Variants in ATAD2B observed in about 807,000 individuals in gnomAD.
ATAD2B encodes ATPase family AAA domain containing 2B, also known as ATPase family AAA domain-containing protein 2B.
Under a neutral mutation model 167.6 loss-of-function variants are expected in ATAD2B, and 40 were observed. That is an observed-to-expected ratio of 0.24 (90% CI 0.19 to 0.31). The LOEUF (loss-of-function observed/expected upper bound fraction) is 0.31, where lower values mean the gene tolerates loss of function less well. Ranked by LOEUF, ATAD2B falls within the 10% of genes least tolerant of loss-of-function variation. The probability of loss-of-function intolerance (pLI) is 1.00; values close to 1 mark genes in which losing one functional copy is unlikely to be tolerated. For missense variants in ATAD2B, 1,242 were observed against 1,757.2 expected (o/e 0.71, Z 5.24); for synonymous variants, 579 against 596.5 (o/e 0.97, Z 0.43).
intron 13 of ATAD2B, among the ~76,000 whole-genome samples, chr2:23,840,156 C>T (rs1301100449): frequency 6.6e-6 from 1 of 152,112 alleles, no homozygotes; most frequent in Non-Finnish European, 1.5e-5. Context: ...GGATTGTTTT[C>T]AGTTCTGGGG....
chr2:23,767,053 A>T (rs1464379975), intron 22 of ATAD2B, among the ~76,000 whole-genome samples: 2 of 152,198 alleles, frequency 1.3e-5, no homozygotes, highest in Non-Finnish European at 2.9e-5. Context: ...CTTTTCAAAG[A>T]ATCAATATGT....
At chr2:23,878,536 G>A (rs572858968) in intron 7 of ATAD2B, among the ~76,000 whole-genome samples, 1 of 151,966 alleles carries the variant, frequency 6.6e-6, no homozygotes, top group South Asian at 2.1e-4. Flanking sequence ...GCAGGCGCCT[G>A]TAGTCCCAGC....
chr2:23,811,622 A>G (rs1011042001), intron 17 of ATAD2B, among the ~76,000 whole-genome samples: 27 of 152,180 alleles, frequency 1.8e-4, no homozygotes, highest in African/African-American at 6.5e-4. Flanking sequence ...GGGGAGGGAT[A>G]GCATTAGGAG....
At chr2:23,911,976 CAAAA>C (rs1160482347) in intron 1 of ATAD2B, among the ~76,000 whole-genome samples, 1 of 63,154 alleles carries the variant, frequency 1.6e-5, no homozygotes, top group Admixed American at 1.8e-4. Context: ...GATTCCATCT[CAAAA>C]AAAAAAAAAA....
At chr2:23,736,524 T>C in the ATAD2B span, among the ~76,000 whole-genome samples, 1 of 152,190 alleles carries the variant, frequency 6.6e-6, no homozygotes, top group East Asian at 1.9e-4. Context: ...GAGCTGATCT[T>C]GTACCCATGA....
chr2:23,850,784 A>G (rs2149895554), intron 13 of ATAD2B, among the ~76,000 whole-genome samples: 1 of 152,354 alleles, frequency 6.6e-6, no homozygotes, highest in South Asian at 2.1e-4. Flanking sequence ...ACTGCCTGCT[A>G]TGAATGGAAT....
At chr2:23,856,709 A>C (rs140559064) in intron 13 of ATAD2B, among the ~76,000 whole-genome samples, 29 of 152,046 alleles carry the variant, frequency 1.9e-4, no homozygotes, top group Non-Finnish European at 2.6e-4. Flanking sequence ...AAAAATACAA[A>C]ATTAGCCAGG....
At chr2:23,800,179 G>A (rs558896343) in intron 18 of ATAD2B, among the ~76,000 whole-genome samples, 1 of 152,048 alleles carries the variant, frequency 6.6e-6, no homozygotes, top group South Asian at 2.1e-4. Flanking sequence ...TCCCCACTCT[G>A]TGCTGGTAAA....
chr2:23,734,689 A>T, the ATAD2B span, among the ~76,000 whole-genome samples: 1 of 152,168 alleles, frequency 6.6e-6, no homozygotes, highest in Non-Finnish European at 1.5e-5. Flanking sequence ...TCATGAGAAC[A>T]GCAAGGGGGA....
the ATAD2B span, among the ~76,000 whole-genome samples, chr2:23,735,377 T>A: frequency 0.01 from 1,557 of 152,330 alleles, 39 homozygotes; most frequent in African/African-American, 0.036. Context: ...CACACCTGAA[T>A]GGAACGGTCA....
intron 13 of ATAD2B, among the ~76,000 whole-genome samples, chr2:23,836,837 CTT>C (rs1218719097): frequency 6.6e-6 from 1 of 152,074 alleles, no homozygotes; most frequent in Non-Finnish European, 1.5e-5. Flanking sequence ...TGAGCCGGGG[CTT>C]TTATGGGACT....
At chr2:23,878,397 G>A (rs1256197981) in intron 7 of ATAD2B, among the ~76,000 whole-genome samples, 11 of 151,758 alleles carry the variant, frequency 7.2e-5, no homozygotes, top group Non-Finnish European at 1.3e-4. Flanking sequence ...AGTGGCTCAC[G>A]CCTGTAATCC....
At chr2:23,871,780 G>A (rs920399703) in intron 8 of ATAD2B, among the ~76,000 whole-genome samples, 3 of 152,092 alleles carry the variant, frequency 2.0e-5, no homozygotes, top group African/African-American at 7.2e-5. Context: ...TTCTCCTTAA[G>A]ATCCTTAACC....
At chr2:23,695,214 ACCT>A in the ATAD2B span, among the ~76,000 whole-genome samples, 1 of 152,176 alleles carries the variant, frequency 6.6e-6, no homozygotes, top group Admixed American at 6.5e-5. The surrounding 1 kb of genome is among the most constrained non-coding windows in gnomAD (Gnocchi z 7.6). Flanking sequence ...GGGTCCTCCC[ACCT>A]GTTCCTGAGT....
rs903670185 is a variant in ATAD2B, at chr2:23,782,391, CTA to C, written c.3133+476_3133+477del. 8.3e-4 allele frequency among the ~76,000 whole-genome samples: 127 copies of C among 152,234 alleles called. 1 individual carries two copies. Among genetic ancestry groups the C allele is most frequent in the African/African-American group, 3.0e-3 (124 of 41,550 alleles). Reference sequence around the variant, plus strand: ...TGGAGAGCGATAACAAAAGTTGGGACTATACACTTGAATACAGGATGGATTAG... The same window carrying C: ...TGGAGAGCGATAACAAAAGTTGGGACTACACTTGAATACAGGATGGATTAG... On this transcript the variant is annotated intron_variant, in intron 22 of 27. Coordinates refer to ENST00000238789, the MANE Select transcript of ATAD2B (RefSeq NM_017552.4).
In ATAD2B at chr2:23,847,487, A is replaced by G. The variant is rs147647860; in HGVS notation, c.1568+9928T>C. On this transcript the variant is annotated intron_variant, in intron 13 of 27. Coordinates refer to ENST00000238789, the MANE Select transcript of ATAD2B (RefSeq NM_017552.4). ...GCCACTGCACTCCAGCCTGGGCGAC[A>G]GAGTAAGACTCCATCTCAAAAAAAA... Among the ~76,000 whole-genome samples, 245 of 151,970 alleles carry G rather than the reference A, an allele frequency of 1.6e-3. 1 individual carries two copies. The highest frequency in any genetic ancestry group is 5.6e-3 in the African/African-American group (234 of 41,468).
chr2:23,736,525 G>C, the ATAD2B span, among the ~76,000 whole-genome samples: 2 of 152,166 alleles, frequency 1.3e-5, no homozygotes, highest in East Asian at 3.8e-4. Context: ...AGCTGATCTT[G>C]TACCCATGAA....
At chr2:23,893,064 A>G (rs1699755378) in intron 2 of ATAD2B, among the ~76,000 whole-genome samples, 1 of 152,162 alleles carries the variant, frequency 6.6e-6, no homozygotes, top group Non-Finnish European at 1.5e-5. Flanking sequence ...AATTCTGTTG[A>G]TACACTTGGG....
intron 12 of ATAD2B, among the ~76,000 whole-genome samples, chr2:23,858,223 T>G (rs1429816914): frequency 6.6e-6 from 1 of 150,618 alleles, no homozygotes; most frequent in Non-Finnish European, 1.5e-5. Flanking sequence ...CGGGTTCAAC[T>G]GATTCTCCTG....
Sources: allele counts gnomAD v4.1 joint callset (sites outside exome capture counted in the v4.1 genomes callset), GRCh38; gene constraint gnomAD v4.1.1; non-coding constraint Gnocchi (gnomAD v3.1); transcripts MANE v1.5; gene names NCBI Gene and HGNC (gene_info 2026-07-23, HGNC 2026-07-21).